Variants in CNTN5 observed in about 807,000 individuals in gnomAD.
The protein encoded by CNTN5 is contactin-5.
Under a neutral mutation model 129.1 loss-of-function variants are expected in CNTN5, and 77 were observed. That is an observed-to-expected ratio of 0.60 (90% CI 0.50 to 0.72). The LOEUF (loss-of-function observed/expected upper bound fraction) is 0.72, where lower values mean the gene tolerates loss of function less well. Ranked by LOEUF, CNTN5 falls within the 30% of genes least tolerant of loss-of-function variation. The pLI is 0.00. For missense variants in CNTN5, 1,478 were observed against 1,328.8 expected (o/e 1.11, Z -1.75); for synonymous variants, 509 against 465.6 (o/e 1.09, Z -1.20).
At chr11:100,220,061 A>C (rs148502666) in intron 15 of CNTN5, among the ~76,000 whole-genome samples, 21 of 151,996 alleles carry the variant, frequency 1.4e-4, no homozygotes, top group Non-Finnish European at 2.8e-4. Flanking sequence ...GTGGATCATG[A>C]GGTCGAGAGA....
At chr11:99,804,111 A>G (rs1299389905) in intron 3 of CNTN5, among the ~76,000 whole-genome samples, 1 of 152,164 alleles carries the variant, frequency 6.6e-6, no homozygotes, top group Non-Finnish European at 1.5e-5. Context: ...TACTTTTTAT[A>G]CCAAAAGGCT....
rs565460537 is a variant in CNTN5, at chr11:99,085,129, C to T, written c.-210+63859C>T. 3.4e-4 allele frequency among the ~76,000 whole-genome samples: 51 copies of T among 152,064 alleles called. 4 individuals are homozygous for T. The South Asian group carries it at 0.01, about 31-fold the overall frequency. On this transcript the variant is annotated intron_variant, in intron 1 of 24. Coordinates refer to ENST00000524871, the MANE Select transcript of CNTN5 (RefSeq NM_014361.4). Reference sequence around the variant, plus strand: ...GCATAATCTCTGCTCACTGCAACCTCTGCCTCCTGGGTTGAAGCCATTCTC... The same window carrying T: ...GCATAATCTCTGCTCACTGCAACCTTTGCCTCCTGGGTTGAAGCCATTCTC...
At chr11:99,781,130 T>G (rs1945295989) in intron 3 of CNTN5, among the ~76,000 whole-genome samples, 1 of 152,050 alleles carries the variant, frequency 6.6e-6, no homozygotes, top group African/African-American at 2.4e-5. Flanking sequence ...TATACCACAT[T>G]TAAGAATCAA....
chr11:99,759,723 G>A (rs1054332897), intron 3 of CNTN5, among the ~76,000 whole-genome samples: 8 of 151,324 alleles, frequency 5.3e-5, no homozygotes, highest in Non-Finnish European at 8.9e-5. Context: ...GAGAGAAGGA[G>A]AGGGAAAGAG....
intron 1 of CNTN5, among the ~76,000 whole-genome samples, chr11:99,039,594 G>T (rs959726815): frequency 6.6e-6 from 1 of 152,132 alleles, no homozygotes; most frequent in Non-Finnish European, 1.5e-5. Flanking sequence ...CACAAAGAAT[G>T]CTAGCTGGAG....
rs10650307 is a variant in CNTN5 at position 99,846,129 on chromosome 11, GACACAC to G, written c.577+894_577+899del. 6.9e-3 allele frequency among the ~76,000 whole-genome samples: 992 copies of G among 144,714 alleles called. 12 individuals carry two copies. The highest frequency in any genetic ancestry group is 0.024 in the African/African-American group (927 of 39,034). The allele number at this position is 144,714 out of a possible 152,430, so 94.9% of individuals were successfully genotyped here. On this transcript the variant is annotated intron_variant, in intron 6 of 24. Coordinates refer to ENST00000524871, the MANE Select transcript of CNTN5 (RefSeq NM_014361.4). Reference sequence around the variant, plus strand: ...TATTGTATGTGGCTATACGGACATAGACACACACACACACACACACACACACACACA... The same window carrying G: ...TATTGTATGTGGCTATACGGACATAGACACACACACACACACACACACACA...
At chr11:99,481,208 T>A (rs1418814131) in intron 2 of CNTN5, among the ~76,000 whole-genome samples, 2 of 152,192 alleles carry the variant, frequency 1.3e-5, no homozygotes, top group Admixed American at 6.5e-5. Flanking sequence ...AGTGCCTTTT[T>A]AAAATTTTCA....
chr11:99,736,246 T>C (rs1177635095), intron 3 of CNTN5, among the ~76,000 whole-genome samples: 3 of 152,202 alleles, frequency 2.0e-5, no homozygotes, highest in Admixed American at 6.5e-5. Flanking sequence ...AGCAAGCTTA[T>C]CTGTGGTAAG....
chr11:99,736,327 G>A (rs571354250), intron 3 of CNTN5, among the ~76,000 whole-genome samples: 1 of 152,260 alleles, frequency 6.6e-6, no homozygotes, highest in Admixed American at 6.5e-5. Context: ...GACAGGATCT[G>A]GAGCCTAGGA....
intron 21 of CNTN5, among the ~76,000 whole-genome samples, chr11:100,330,146 T>C (rs996263997): frequency 6.6e-6 from 1 of 152,042 alleles, no homozygotes; most frequent in African/African-American, 2.4e-5. Flanking sequence ...AATCACAACT[T>C]CTGGAAATCA....
chr11:99,789,435 T>C (rs1414643429), intron 3 of CNTN5, among the ~76,000 whole-genome samples: 1 of 151,946 alleles, frequency 6.6e-6, no homozygotes, highest in Non-Finnish European at 1.5e-5. Flanking sequence ...TTGGAGATAA[T>C]TTTTCATGTT....
chr11:99,043,679 T>G (rs1864096324), intron 1 of CNTN5, among the ~76,000 whole-genome samples: 1 of 152,206 alleles, frequency 6.6e-6, no homozygotes, highest in Non-Finnish European at 1.5e-5. Context: ...CATAATTTGC[T>G]AATATTAAGT....
At chr11:100,065,814 G>A (rs1055816235) in intron 10 of CNTN5, among the ~76,000 whole-genome samples, 2 of 152,006 alleles carry the variant, frequency 1.3e-5, no homozygotes, top group Admixed American at 1.3e-4. Flanking sequence ...ACAGAAAACT[G>A]TATGATATAT....
intron 18 of CNTN5, among the ~76,000 whole-genome samples, chr11:100,285,907 C>A (rs930168712): frequency 6.6e-6 from 1 of 152,154 alleles, no homozygotes; most frequent in African/African-American, 2.4e-5. Flanking sequence ...GCGCACCGTG[C>A]GCGAGCCGAA....
At chr11:99,711,013 G>T (rs1954963787) in intron 3 of CNTN5, among the ~76,000 whole-genome samples, 1 of 151,888 alleles carries the variant, frequency 6.6e-6, no homozygotes, top group Admixed American at 6.6e-5. Context: ...ATTGCATACT[G>T]CATACTTATT....
intron 2 of CNTN5, among the ~76,000 whole-genome samples, chr11:99,336,150 G>A (rs1317885857): frequency 2.0e-5 from 3 of 152,066 alleles, no homozygotes; most frequent in African/African-American, 7.2e-5. Context: ...ATTTTAACTA[G>A]TCCCTCTAAC....
intron 11 of CNTN5, 99 bp from the exon 12 acceptor site, chr11:100,071,606 T>G: frequency 1.2e-6 from 1 of 811,440 alleles, no homozygotes; most frequent in Admixed American, 3.5e-5. Context: ...TTAACTGTAT[T>G]AATTGCAAAC....
intron 3 of CNTN5, among the ~76,000 whole-genome samples, chr11:99,689,003 G>C (rs1238217525): frequency 6.6e-6 from 1 of 151,966 alleles, no homozygotes; most frequent in Non-Finnish European, 1.5e-5. Context: ...TATCCTGTCT[G>C]TCATTGATGG....
intron 16 of CNTN5, among the ~76,000 whole-genome samples, chr11:100,231,314 C>T (rs956866006): frequency 3.3e-5 from 5 of 152,048 alleles, no homozygotes; most frequent in South Asian, 4.2e-4. Context: ...GGGACAATAA[C>T]GGTAATCTTG....
Sources: gnomAD v4.1 joint callset for allele counts (sites outside exome capture counted in the v4.1 genomes callset) on GRCh38, gnomAD v4.1.1 for gene constraint, MANE v1.5 for transcripts, NCBI Gene and HGNC (gene_info 2026-07-23, HGNC 2026-07-21) for gene names.